The following ATXN1 variants were observed in gnomAD, a reference collection of about 807,000 sequenced individuals.
ATXN1 encodes ataxin 1, also known as ataxin-1.
Under a neutral mutation model 56.4 loss-of-function variants are expected in ATXN1, and 8 were observed. That is an observed-to-expected ratio of 0.14 (90% CI 0.08 to 0.26). The LOEUF is 0.26. Among genes scored for constraint, ATXN1 ranks in the 10% least tolerant of loss-of-function variants. ATXN1 has a pLI of 1.00. For missense variants in ATXN1, 987 were observed against 1,106.5 expected, an observed-to-expected ratio of 0.89 and a Z score of 1.53; for synonymous variants, 514 against 494.6, an observed-to-expected ratio of 1.04 and a Z score of -0.52.
intron 6 of ATXN1, among the ~76,000 whole-genome samples, chr6:16,380,219 T>C (rs1238618446): frequency 6.6e-6 from 1 of 152,162 alleles, no homozygotes; most frequent in African/African-American, 2.4e-5. Flanking sequence ...GCTGAATACA[T>C]GCATCTTTAA....
rs550693660 is a variant in ATXN1, at chr6:16,669,406, T to G, written c.-614-11505A>C. Among the ~76,000 whole-genome samples the G allele has an allele frequency of 1.4e-3, 209 of 152,246 alleles. 3 individuals are homozygous for G. The highest frequency in any genetic ancestry group is 4.6e-3 in the African/African-American group (190 of 41,552). ...TGGAAATTTTCAACAACCACAAAGG[T>G]GGGGGAAAGGGCGTGGCGTACACTG... is the stretch of plus-strand genomic sequence containing the variant. On this transcript the variant is annotated intron_variant, in intron 2 of 7. Coordinates refer to ENST00000436367, the MANE Select transcript of ATXN1 (RefSeq NM_001128164.2).
intron 2 of ATXN1, among the ~76,000 whole-genome samples, chr6:16,725,366 T>C (rs1434116682): frequency 1.3e-5 from 2 of 152,056 alleles, no homozygotes; most frequent in Non-Finnish European, 2.9e-5. Flanking sequence ...AGTCAAAACA[T>C]CCAGAGAAAA....
intron 3 of ATXN1, among the ~76,000 whole-genome samples, chr6:16,656,826 C>T (rs899482567): frequency 6.6e-5 from 10 of 152,190 alleles, no homozygotes; most frequent in Admixed American, 1.3e-4. Context: ...TACACGCCTG[C>T]GCTATACGGT....
chr6:16,467,569 C>T (rs931402574), intron 6 of ATXN1, among the ~76,000 whole-genome samples: 22 of 152,184 alleles, frequency 1.4e-4, no homozygotes, highest in African/African-American at 5.1e-4. Flanking sequence ...ACTCTATCTA[C>T]CATCTTTTCT....
At chr6:16,448,223 C>T (rs1759673551) in intron 6 of ATXN1, among the ~76,000 whole-genome samples, 1 of 152,212 alleles carries the variant, frequency 6.6e-6, no homozygotes, top group South Asian at 2.1e-4. Context: ...CTCCCTTCCA[C>T]ATCCAGGCAC....
chr6:16,635,657 C>T (rs1260864091), intron 3 of ATXN1, among the ~76,000 whole-genome samples: 4 of 152,220 alleles, frequency 2.6e-5, no homozygotes, highest in Non-Finnish European at 5.9e-5. Flanking sequence ...AAAACACAGT[C>T]GTTATCTGAT....
intron 2 of ATXN1, among the ~76,000 whole-genome samples, chr6:16,659,421 C>T (rs1404246220): frequency 6.6e-6 from 1 of 152,218 alleles, no homozygotes; most frequent in Non-Finnish European, 1.5e-5. Flanking sequence ...AACAAGTTCA[C>T]TGCAAGTTAC....
rs189509834 is a variant in ATXN1 at position 16,640,469 on chromosome 6, T to A, written c.-489+17307A>T. Among the ~76,000 whole-genome samples, 23 of 151,920 alleles carry A rather than the reference T, an allele frequency of 1.5e-4. 1 individual carries two copies. Among genetic ancestry groups the A allele is most frequent in the Non-Finnish European group, 5.9e-5 (4 of 67,970 alleles). ...GAGGCCAAGGTGGGCAGATCACGAG[T>A]TCAGGAGATCAAGACCATCCTGGCT... is the stretch of plus-strand genomic sequence containing the variant. On this transcript the variant is annotated intron_variant, in intron 3 of 7. Transcript: ENST00000436367.
intron 5 of ATXN1, among the ~76,000 whole-genome samples, chr6:16,513,290 T>A (rs1761116440): frequency 6.6e-6 from 1 of 152,258 alleles, no homozygotes; most frequent in Non-Finnish European, 1.5e-5. Flanking sequence ...ATTCTTTGGT[T>A]AGCTGACTCT....
At chr6:16,611,420 A>G (rs1763103358) in intron 3 of ATXN1, among the ~76,000 whole-genome samples, 1 of 152,232 alleles carries the variant, frequency 6.6e-6, no homozygotes, top group Non-Finnish European at 1.5e-5. Context: ...GGAATCATAA[A>G]ACCAAAAGAA....
chr6:16,435,740 G>C (rs1463686531), intron 6 of ATXN1, among the ~76,000 whole-genome samples: 5 of 152,146 alleles, frequency 3.3e-5, no homozygotes, highest in Non-Finnish European at 7.3e-5. Context: ...AGGCGGTAGA[G>C]CCGTGGTTGA....
chr6:16,299,756 C>T lies in ATXN1; in HGVS notation c.*6573G>A, dbSNP rs1036667985. 3 of 152,642 alleles carry T rather than the reference C, an allele frequency of 2.0e-5. No homozygotes were observed. The highest frequency in any genetic ancestry group is 2.9e-5 in the Non-Finnish European group (2 of 68,050). The allele number at this position is 152,642 out of a possible 1,614,324, so 9.5% of individuals were successfully genotyped here. ...AAGGTCACCACAAATACTGACAGGA[C>T]TATCTTGAAACCTCCTTTCGGCTGA... On this transcript the variant is annotated 3_prime_UTR_variant, in exon 8 of 8. Transcript: ENST00000436367.
chr6:16,691,599 T>C (rs1454492012), intron 2 of ATXN1, among the ~76,000 whole-genome samples: 3 of 152,208 alleles, frequency 2.0e-5, no homozygotes, highest in Non-Finnish European at 4.4e-5. Flanking sequence ...GCAAAGCATA[T>C]ACAGGCTGAA....
At position 16,326,720 on chromosome 6, in the gene ATXN1, C is replaced by T. The variant is rs754931314; in HGVS notation, c.1591G>A (p.Glu531Lys). ...TFVTTALPKS[E>K]NFNPEALVTQ... ...ACCAGGGCCTCAGGGTTGAAGTTCT[C>T]GCTCTTGGGAAGGGCGGTGGTGACG... Residue 531 changes from glutamate to lysine, a missense_variant, in exon 7 of 8, where the codon GAG becomes AAG. This residue lies in a region of ATXN1 where 723 missense variants were observed against 791.7 expected (regional missense o/e 0.91). Coordinates refer to ENST00000436367, the MANE Select transcript of ATXN1 (RefSeq NM_001128164.2). The surrounding 1 kb of genome is among the most constrained non-coding windows in gnomAD (Gnocchi z 6.6). 1.7e-5 allele frequency: 27 copies of T among 1,613,560 alleles called. No individual in the cohort carries two copies. The highest frequency in any genetic ancestry group is 4.5e-5 in the East Asian group (2 of 44,874).
At chr6:16,321,048 G>A (rs1392557021) in intron 7 of ATXN1, among the ~76,000 whole-genome samples, 1 of 152,212 alleles carries the variant, frequency 6.6e-6, no homozygotes, top group Non-Finnish European at 1.5e-5. Flanking sequence ...AGCCATCTAA[G>A]TTGAAGCAGG....
chr6:16,655,755 G>C (rs1758185664), intron 3 of ATXN1, among the ~76,000 whole-genome samples: 2 of 151,828 alleles, frequency 1.3e-5, no homozygotes, highest in Admixed American at 6.6e-5. Context: ...TATTCATAAA[G>C]CACTGTGCCA....
intron 3 of ATXN1, among the ~76,000 whole-genome samples, chr6:16,625,456 G>C (rs1218202321): frequency 6.6e-6 from 1 of 152,280 alleles, no homozygotes; most frequent in East Asian, 1.9e-4. Flanking sequence ...CGCTGAGTTA[G>C]ACAGACCATG....
Position 16,529,004 on chromosome 6 carries a change from C to T in ATXN1, c.-360-6316G>A, listed in dbSNP as rs140388902. Among the ~76,000 whole-genome samples, 849 of 152,132 alleles carry T rather than the reference C, an allele frequency of 5.6e-3. 4 individuals are homozygous for T. The highest frequency in any genetic ancestry group is 0.019 in the African/African-American group (799 of 41,510). ...GACCAGCCTGGGCAACATGGTGAAA[C>T]CCCATCTCTACTAAAAATACAGAAA... On this transcript the variant is annotated intron_variant, in intron 4 of 7. Transcript: ENST00000436367.
chr6:16,618,753 GAA>G (rs61228681), intron 3 of ATXN1, among the ~76,000 whole-genome samples: 2 of 142,224 alleles, frequency 1.4e-5, no homozygotes, highest in African/African-American at 5.2e-5. Flanking sequence ...TCAACTGTGG[GAA>G]AAAAAAAAAG....
Sources: gnomAD v4.1 joint callset for allele counts (sites outside exome capture counted in the v4.1 genomes callset) on GRCh38, gnomAD v4.1.1 for gene constraint, gnomAD v4.1.1 regional missense constraint, Gnocchi (gnomAD v3.1) non-coding constraint, MANE v1.5 for transcripts, NCBI Gene and HGNC (gene_info 2026-07-23, HGNC 2026-07-21) for gene names.